SMC6: variants seen among roughly 807,000 people sequenced by gnomAD.
SMC6 encodes the protein structural maintenance of chromosomes 6, also known as structural maintenance of chromosomes protein 6.
Under a neutral mutation model 142.2 loss-of-function variants are expected in SMC6, and 79 were observed. The observed-to-expected ratio is 0.56, with a 90% CI of 0.46 to 0.67. The LOEUF is 0.67. SMC6 is among the 30% of genes least tolerant of loss of function. The probability of loss-of-function intolerance (pLI) is 0.00; values close to 1 mark genes in which losing one functional copy is unlikely to be tolerated. For missense variants in SMC6, 1,072 were observed against 1,284.0 expected (o/e 0.83, Z 2.52); for synonymous variants, 411 against 412.4 (o/e 1.00, Z 0.04).
chr2:17,740,815 A>G, intron 4 of SMC6: 1 of 343,076 alleles, frequency 2.9e-6, no homozygotes, highest in Non-Finnish European at 5.7e-6. Context: ...GCACCACTGC[A>G]CTCCAACCTG....
At chr2:17,737,100 GT>G (rs1315817950) in intron 5 of SMC6, among the ~76,000 whole-genome samples, 1 of 152,102 alleles carries the variant, frequency 6.6e-6, no homozygotes, top group Non-Finnish European at 1.5e-5. Context: ...TTATCAAATA[GT>G]TTTTTCCCAA....
chr2:17,698,991 G>A (rs1668142566), intron 21 of SMC6, among the ~76,000 whole-genome samples: 3 of 151,808 alleles, frequency 2.0e-5, no homozygotes, highest in Admixed American at 1.3e-4. Flanking sequence ...AAATATAATG[G>A]TCCTAAATAC....
intron 2 of SMC6, among the ~76,000 whole-genome samples, chr2:17,748,227 T>C (rs1321089537): frequency 2.6e-5 from 4 of 152,196 alleles, no homozygotes; most frequent in Admixed American, 6.5e-5. Flanking sequence ...CTATCAGATA[T>C]CCAGAATCTC....
In SMC6 at chr2:17,715,004, C is replaced by T. The variant is rs183880008; in HGVS notation, c.1587G>A (p.Gly529=). The T allele has an allele frequency of 1.7e-5, 27 of 1,613,944 alleles. No individual in the cohort carries two copies. The East Asian group carries it at 2.0e-4, about 12-fold the overall frequency. ...TATGGCAACAATAGGCCTGCAGAAG[C>T]CCTTTTAAGCAAGATTCAATAGCCA... ...LALAIESCLK[G]LLQAYCCHNH... is the part of the protein sequence containing the mutation. Residue 529 remains glycine (G), a synonymous_variant, in exon 16 of 28, where the codon GGG becomes GGA. Coordinates refer to ENST00000448223, the MANE Select transcript of SMC6 (RefSeq NM_001142286.2).
At chr2:17,716,993 T>C (rs967401132) in intron 13 of SMC6, 88 bp from the exon 14 acceptor site, 65 of 1,514,456 alleles carry the variant, frequency 4.3e-5, no homozygotes, top group Non-Finnish European at 5.5e-5. Context: ...TAAAATTCCA[T>C]TAACAACAAT....
At chr2:17,712,957 A>G (rs1572311965) in intron 16 of SMC6, among the ~76,000 whole-genome samples, 1 of 152,362 alleles carries the variant, frequency 6.6e-6, no homozygotes, top group Middle Eastern at 3.4e-3. Context: ...GGACTTTGTC[A>G]TCCCCTAGAC....
intron 25 of SMC6, among the ~76,000 whole-genome samples, chr2:17,671,889 A>G (rs1666781755): frequency 6.6e-6 from 1 of 152,064 alleles, no homozygotes; most frequent in South Asian, 2.1e-4. Flanking sequence ...ATACAAGGTG[A>G]AAAAAGAGCA....
At chr2:17,729,734 T>G (rs1020876938) in intron 7 of SMC6, among the ~76,000 whole-genome samples, 1 of 152,264 alleles carries the variant, frequency 6.6e-6, no homozygotes, top group African/African-American at 2.4e-5. Flanking sequence ...CTCTAGATTT[T>G]AAGAATTATT....
intron 23 of SMC6, among the ~76,000 whole-genome samples, chr2:17,685,980 T>A (rs1667438411): frequency 6.6e-6 from 1 of 151,936 alleles, no homozygotes; most frequent in Admixed American, 6.6e-5. Context: ...ATTCACAAGG[T>A]ATAAAAATGA....
At chr2:17,677,617 T>TA (rs1667055342) in intron 25 of SMC6, among the ~76,000 whole-genome samples, 1 of 152,190 alleles carries the variant, frequency 6.6e-6, no homozygotes, top group Admixed American at 6.5e-5. Flanking sequence ...TCTTTAAAAA[T>TA]AAAAGTTTTG....
chr2:17,718,913 C>A (rs939181629), intron 11 of SMC6, among the ~76,000 whole-genome samples: 6 of 152,088 alleles, frequency 3.9e-5, no homozygotes, highest in Admixed American at 6.6e-5. Flanking sequence ...TTAGATTACT[C>A]TGGAAGCACT....
intron 20 of SMC6, 113 bp downstream of exon 20, chr2:17,701,716 T>C: frequency 1.5e-6 from 1 of 659,074 alleles, no homozygotes; most frequent in Non-Finnish European, 2.6e-6. Context: ...ACAGCAATCA[T>C]AAAGAGTAGC....
At chr2:17,699,412 C>T (rs1288567211) in intron 21 of SMC6, among the ~76,000 whole-genome samples, 1 of 152,064 alleles carries the variant, frequency 6.6e-6, no homozygotes, top group African/African-American at 2.4e-5. Flanking sequence ...TGTAATGTGT[C>T]TTATTGCAGA....
intron 20 of SMC6, among the ~76,000 whole-genome samples, chr2:17,701,373 T>TA (rs1476706734): frequency 6.6e-6 from 1 of 151,460 alleles, no homozygotes; most frequent in East Asian, 1.9e-4. Context: ...AAGATTACAG[T>TA]AAAAAATGCG....
chr2:17,698,773 G>A (rs556786251), intron 21 of SMC6, among the ~76,000 whole-genome samples: 59 of 152,102 alleles, frequency 3.9e-4, no homozygotes, highest in Non-Finnish European at 7.7e-4. Context: ...CCTGCCCCAT[G>A]TGGTTACTCC....
At chr2:17,734,440 A>T (rs542641354) in intron 5 of SMC6, among the ~76,000 whole-genome samples, 1 of 152,336 alleles carries the variant, frequency 6.6e-6, no homozygotes, top group South Asian at 2.1e-4. Context: ...ATGAACGGTT[A>T]AGGTTGAGAA....
chr2:17,689,915 T>C (rs1365241489), intron 23 of SMC6, among the ~76,000 whole-genome samples: 3 of 152,208 alleles, frequency 2.0e-5, no homozygotes, highest in African/African-American at 4.8e-5. Flanking sequence ...GTCTTTTCAA[T>C]CTGTGGTTGG....
intron 17 of SMC6, 23 bp from the exon 18 acceptor site, chr2:17,707,402 A>T: frequency 7.1e-7 from 1 of 1,406,292 alleles, no homozygotes; most frequent in Non-Finnish European, 9.3e-7. Flanking sequence ...AAGAAAATAA[A>T]TTTTTTAAGA....
At chr2:17,683,557 A>G in intron 24 of SMC6, 81 bp downstream of exon 24, 7 of 1,258,492 alleles carry the variant, frequency 5.6e-6, no homozygotes, top group Non-Finnish European at 7.7e-6. Context: ...AGTCTCTGCT[A>G]TAACAGAATT....
Sources: allele counts gnomAD v4.1 joint callset (sites outside exome capture counted in the v4.1 genomes callset), GRCh38; gene constraint gnomAD v4.1.1; transcripts MANE v1.5; gene names NCBI Gene and HGNC (gene_info 2026-07-23, HGNC 2026-07-21).